VSX1: variants seen among roughly 807,000 people sequenced by gnomAD.
VSX1 encodes the protein visual system homeobox 1.
Under a neutral mutation model 23.6 loss-of-function variants are expected in VSX1, and 23 were observed. That is an observed-to-expected ratio of 0.97 (90% CI 0.70 to 1.38). VSX1 has a LOEUF of 1.38. VSX1 is among the 40% of genes most tolerant of loss of function. The probability of loss-of-function intolerance (pLI) is 0.00; values close to 1 mark genes in which losing one functional copy is unlikely to be tolerated. For missense variants in VSX1, 517 were observed against 495.4 expected, an observed-to-expected ratio of 1.04 and a Z score of -0.41; for synonymous variants, 247 against 215.1, an observed-to-expected ratio of 1.15 and a Z score of -1.30.
At chr20:25,079,546 A>G (rs190642590) in intron 1 of VSX1, 32 bp from the exon 2 acceptor site, 2 of 1,590,686 alleles carry the variant, frequency 1.3e-6, no homozygotes, top group African/African-American at 1.3e-5. Context: ...GAGGACTTTA[A>G]GGGTGATCAT....
chr20:25,078,636 T>A, intron 3 of VSX1, 193 bp downstream of exon 3: 1 of 1,516,394 alleles, frequency 6.6e-7, no homozygotes, highest in Non-Finnish European at 8.8e-7. Context: ...TGATACTAAA[T>A]AATAATAAAA....
At chr20:25,078,044 G>A in intron 3 of VSX1, 179 bp from the exon 4 acceptor site, 2 of 783,276 alleles carry the variant, frequency 2.6e-6, no homozygotes, top group South Asian at 3.5e-5. Context: ...GCGCCCAGGA[G>A]CCCCCAGCAG....
chr20:25,076,934 T>A (rs2089509070), intron 4 of VSX1, among the ~76,000 whole-genome samples: 1 of 152,340 alleles, frequency 6.6e-6, no homozygotes, highest in African/African-American at 2.4e-5. Context: ...TCAGGACATA[T>A]CTATGATTGG....
chr20:25,081,610 G>T, intron 1 of VSX1, 63 bp downstream of exon 1: 1 of 1,543,488 alleles, frequency 6.5e-7, no homozygotes, highest in Non-Finnish European at 8.7e-7. Flanking sequence ...GATGGTCTGT[G>T]ACCCCTGCGC....
chr20:25,076,180 T>A lies in VSX1; in HGVS notation c.*81A>T. The A allele has an allele frequency of 6.3e-7, 1 of 1,593,112 alleles. No homozygotes were observed. Among genetic ancestry groups the A allele is most frequent in the Non-Finnish European group, 8.6e-7 (1 of 1,163,724 alleles). ...AAGAAAATCAAACTGAGAGTATATG[T>A]CTTGGACAATTTTTGTCTTTTGGAA... On this transcript the variant is annotated 3_prime_UTR_variant, in exon 5 of 5. Transcript: ENST00000376709.
rs149445592 is a variant in VSX1, at chr20:25,078,165, T to C, written c.628-300A>G. ...AATGAAAAAAACTAAAGAATCAAAC[T>C]CCCTTTTCCCACATTGTGTGAAGAG... On this transcript the variant is annotated intron_variant, in intron 3 of 4. Transcript: ENST00000376709. 1.7e-3 allele frequency among the ~76,000 whole-genome samples: 265 copies of C among 152,246 alleles called. 1 individual carries two copies. The highest frequency in any genetic ancestry group is 0.01 in the Middle Eastern group (3 of 294).
intron 3 of VSX1, chr20:25,078,605 A>G (rs2089563040): frequency 3.5e-6 from 5 of 1,448,278 alleles, no homozygotes; most frequent in Non-Finnish European, 4.5e-6. Context: ...ACACATTATC[A>G]TGTGATTTTA....
downstream of VSX1, among the ~76,000 whole-genome samples, chr20:25,074,708 TATGTAAGTTGCACA>T (rs1354574293): frequency 2.0e-5 from 3 of 152,208 alleles, no homozygotes; most frequent in African/African-American, 7.2e-5. Flanking sequence ...AAGTGTGATG[TATGTAAGTTGCACA>T]GCTTACTGGT....
chr20:25,076,685 G>T, intron 4 of VSX1, 135 bp from the exon 5 acceptor site: 2 of 1,072,092 alleles, frequency 1.9e-6, no homozygotes, highest in Non-Finnish European at 2.6e-6. Context: ...GGGCCTACAG[G>T]AGAGGCAGGT....
intron 2 of VSX1, 133 bp downstream of exon 2, chr20:25,079,303 C>T (rs2089586979): frequency 4.6e-6 from 4 of 875,190 alleles, no homozygotes; most frequent in Non-Finnish European, 6.9e-6. Flanking sequence ...GGCTTCTGTG[C>T]CCTTCCCATT....
At position 25,076,423 on chromosome 20, in the gene VSX1, T is replaced by C; in HGVS notation, c.936A>G (p.Ser312=). Residue 312 remains serine, a synonymous_variant, in exon 5 of 5, where the codon TCA becomes TCG. Coordinates refer to ENST00000376709, the MANE Select transcript of VSX1 (RefSeq NM_014588.6). Reference sequence around the variant, plus strand: ...AGCCATTCTCAGGGCTCACTTTATCTGAGCCTCTCTGTGATCCTGACTCAC... The same window carrying C: ...AGCCATTCTCAGGGCTCACTTTATCCGAGCCTCTCTGTGATCCTGACTCAC... ...SQSESGSQRG[S]DKVSPENGLE... 6.2e-7 allele frequency: 1 copy of C among 1,614,190 alleles called. No homozygotes were observed. Among genetic ancestry groups the C allele is most frequent in the Non-Finnish European group, 8.5e-7 (1 of 1,180,036 alleles).
At position 25,081,657 on chromosome 20, in the gene VSX1, G is replaced by T; in HGVS notation, c.424+16C>A. On this transcript the variant is annotated intron_variant, in intron 1 of 4. Transcript: ENST00000376709. ...TAGGGGACAGGGGCAGGAGCGGAAA[G>T]CGCGGGCCTGATTACCGGACGTGGA... is the stretch of plus-strand genomic sequence containing the variant. 1 of 1,524,574 alleles carries T rather than the reference G, an allele frequency of 6.6e-7. No individual in the cohort carries two copies. The allele number at this position is 1,524,574 out of a possible 1,614,324, so 94.4% of individuals were successfully genotyped here. A position where few individuals can be genotyped will look rare whatever the true frequency, so the allele number is the denominator to read the frequency against.
downstream of VSX1, among the ~76,000 whole-genome samples, chr20:25,073,049 G>C (rs148968525): frequency 3.1e-3 from 479 of 152,282 alleles, 3 homozygotes; most frequent in Non-Finnish European, 5.8e-3. Flanking sequence ...TGAGGGTTGA[G>C]AGGACCACGT....
In VSX1 at chr20:25,078,909, A is replaced by G; in HGVS notation, c.547T>C (p.Phe183Leu). ...AHQLEELEKA[F>L]SEAHYPDVYA... is the part of the protein sequence containing the mutation. ...ACATCAGGGTAGTGGGCCTCGCTGAATGCCTTCTCCAACTCTTCCAGCTGG... is the reference window on the plus strand; with the variant it reads ...ACATCAGGGTAGTGGGCCTCGCTGAGTGCCTTCTCCAACTCTTCCAGCTGG... The change falls in exon 3 of 5, where the codon TTC (phenylalanine) becomes CTC (leucine). Residue 183 changes from phenylalanine to leucine, a missense_variant. By Grantham distance (22) the Phe-to-Leu change is conservative. Transcript: ENST00000376709. 6.2e-7 allele frequency: 1 copy of G among 1,614,190 alleles called. No individual in the cohort carries two copies. Among genetic ancestry groups the G allele is most frequent in the Middle Eastern group, 1.7e-4 (1 of 6,060 alleles).
downstream of VSX1, chr20:25,072,126 T>C (rs1244219194): frequency 3.4e-6 from 2 of 585,300 alleles, no homozygotes; most frequent in African/African-American, 1.9e-5. Flanking sequence ...CTTAGTGAAC[T>C]TAGCTGAAAC....
intron 3 of VSX1, 124 bp from the exon 4 acceptor site, chr20:25,077,989 T>C: frequency 7.6e-7 from 1 of 1,307,962 alleles, no homozygotes; most frequent in Non-Finnish European, 1.1e-6. Flanking sequence ...ATGCTATTTC[T>C]GAAGGAAATA....
chr20:25,079,409 G>C (rs754231428), intron 2 of VSX1, 27 bp downstream of exon 2: 48 of 1,600,326 alleles, frequency 3.0e-5, no homozygotes, highest in Non-Finnish European at 3.8e-5. Flanking sequence ...AGGAAAGGCA[G>C]GCAGAGGGGA....
At chr20:25,078,273 G>A (rs190611193) in intron 3 of VSX1, among the ~76,000 whole-genome samples, 70 of 152,308 alleles carry the variant, frequency 4.6e-4, no homozygotes, top group Admixed American at 4.2e-3. Flanking sequence ...TTAGGCTATT[G>A]GGTTGCTGGT....
intron 3 of VSX1, among the ~76,000 whole-genome samples, chr20:25,078,237 C>CA (rs1291152146): frequency 2.0e-5 from 3 of 152,190 alleles, no homozygotes; most frequent in African/African-American, 7.2e-5. Flanking sequence ...GGAATGAGCT[C>CA]ACTGGGGCAC....
Sources: allele counts gnomAD v4.1 joint callset (sites outside exome capture counted in the v4.1 genomes callset), GRCh38; gene constraint gnomAD v4.1.1; transcripts MANE v1.5; gene names NCBI Gene and HGNC (gene_info 2026-07-23, HGNC 2026-07-21).